The following GRID2 variants were observed in gnomAD, a reference collection of about 807,000 sequenced individuals.
The protein encoded by GRID2 is glutamate receptor ionotropic, delta-2.
GRID2 carries 33 observed loss-of-function variants against 114.8 expected under a neutral mutation model. The ratio of observed to expected loss-of-function variants is 0.29; its 90% CI spans 0.22 to 0.38. The LOEUF is 0.38. GRID2 is among the 10% of genes least tolerant of loss of function. The probability of loss-of-function intolerance (pLI) is 1.00; values close to 1 mark genes in which losing one functional copy is unlikely to be tolerated. For missense variants in GRID2, 1,184 were observed against 1,257.7 expected (o/e 0.94, Z 0.89); for synonymous variants, 505 against 449.9 (o/e 1.12, Z -1.55).
chr4:92,943,894 C>G (rs568589536), intron 2 of GRID2, among the ~76,000 whole-genome samples: 1 of 152,318 alleles, frequency 6.6e-6, no homozygotes, highest in South Asian at 2.1e-4. Flanking sequence ...CAGAGCAGAA[C>G]AGCGGCTACT....
chr4:93,334,872 G>A (rs1004425659), intron 8 of GRID2, among the ~76,000 whole-genome samples: 18 of 151,902 alleles, frequency 1.2e-4, no homozygotes, highest in African/African-American at 3.6e-4. Context: ...CAGAGGTTGC[G>A]GTGAGCTGAG....
At chr4:93,277,247 A>G (rs1294046765) in intron 8 of GRID2, among the ~76,000 whole-genome samples, 1 of 152,000 alleles carries the variant, frequency 6.6e-6, no homozygotes, top group African/African-American at 2.4e-5. Context: ...TAACATGTCC[A>G]TTATTTTGCT....
At chr4:92,928,532 C>A (rs572734244) in intron 2 of GRID2, among the ~76,000 whole-genome samples, 1 of 151,524 alleles carries the variant, frequency 6.6e-6, no homozygotes, top group African/African-American at 2.4e-5. Flanking sequence ...CAATGTAGTT[C>A]TGCAGCATAA....
At chr4:93,704,963 A>G (rs946237730) in intron 14 of GRID2, among the ~76,000 whole-genome samples, 1 of 152,158 alleles carries the variant, frequency 6.6e-6, no homozygotes, top group African/African-American at 2.4e-5. Flanking sequence ...CTTTGAGTAT[A>G]TACCTAGGAG....
At chr4:92,807,608 A>G (rs1740480497) in intron 2 of GRID2, among the ~76,000 whole-genome samples, 1 of 152,058 alleles carries the variant, frequency 6.6e-6, no homozygotes, top group Admixed American at 6.6e-5. Context: ...GATGACCATG[A>G]CATGAGACAT....
At chr4:93,136,278 GTTTAA>G (rs1364160618) in intron 4 of GRID2, among the ~76,000 whole-genome samples, 3 of 130,540 alleles carry the variant, frequency 2.3e-5, no homozygotes, top group Non-Finnish European at 4.9e-5. Flanking sequence ...GTGTGTGTGT[GTTTAA>G]TTATCCTAAG....
At chr4:92,324,632 A>G (rs1231630917) in intron 1 of GRID2, among the ~76,000 whole-genome samples, 1 of 151,512 alleles carries the variant, frequency 6.6e-6, no homozygotes, top group Admixed American at 6.6e-5. Context: ...CTGACTTTGC[A>G]CAGCATCTTC....
At chr4:92,685,864 A>G (rs1221035028) in intron 2 of GRID2, among the ~76,000 whole-genome samples, 1 of 152,056 alleles carries the variant, frequency 6.6e-6, no homozygotes, top group African/African-American at 2.4e-5. Flanking sequence ...TCTATTTTCA[A>G]AACAGTCCAA....
At chr4:92,682,682 GCACACACACA>G (rs57217377) in intron 2 of GRID2, among the ~76,000 whole-genome samples, 1,461 of 142,798 alleles carry the variant, frequency 0.01, 42 homozygotes, top group East Asian at 0.094. Flanking sequence ...AAATCGCAGG[GCACACACACA>G]CACACACACA....
intron 8 of GRID2, among the ~76,000 whole-genome samples, chr4:93,395,205 A>G (rs551736753): frequency 4.1e-4 from 62 of 152,130 alleles, no homozygotes; most frequent in Admixed American, 3.7e-3. Context: ...TAAAAGCCAT[A>G]TAAGATCAAA....
At position 93,184,811 on chromosome 4, in the gene GRID2, G is replaced by A. The variant is rs553820591; in HGVS notation, c.736-22593G>A. On this transcript the variant is annotated intron_variant, in intron 4 of 15. Transcript: ENST00000282020. ...ACAGGAGAATCACTTGAACCCTAGAGGCAGAAGTTGTGGTCAGCCAAGATT... is the reference window on the plus strand; with the variant it reads ...ACAGGAGAATCACTTGAACCCTAGAAGCAGAAGTTGTGGTCAGCCAAGATT... 7.2e-5 allele frequency among the ~76,000 whole-genome samples: 11 copies of A among 152,232 alleles called. No homozygotes were observed. The East Asian group carries it at 2.1e-3, about 29-fold the overall frequency.
chr4:92,400,731 A>G (rs1730748957), intron 1 of GRID2, among the ~76,000 whole-genome samples: 1 of 152,058 alleles, frequency 6.6e-6, no homozygotes, highest in South Asian at 2.1e-4. Flanking sequence ...CCATTAACGC[A>G]TGAAGGTTCT....
At chr4:92,446,270 G>A (rs187422425) in intron 1 of GRID2, among the ~76,000 whole-genome samples, 2 of 152,224 alleles carry the variant, frequency 1.3e-5, no homozygotes, top group Non-Finnish European at 2.9e-5. Flanking sequence ...GATTTAAATT[G>A]TATGTTCTTA....
chr4:92,884,929 T>G, intron 2 of GRID2: 1 of 340,408 alleles, frequency 2.9e-6, no homozygotes, highest in Non-Finnish European at 6.0e-6. Context: ...TGACATTTGG[T>G]CTCCCCAAAA....
intron 2 of GRID2, among the ~76,000 whole-genome samples, chr4:92,895,404 T>TATATATATATATATATATAA (rs1280678337): frequency 6.8e-6 from 1 of 147,014 alleles, no homozygotes; most frequent in Non-Finnish European, 1.5e-5. Flanking sequence ...TATATATATA[T>TATATATATATATATATATAA]AAACTGAAAG....
At chr4:92,885,651 T>A (rs994236357) in intron 2 of GRID2, among the ~76,000 whole-genome samples, 8 of 152,344 alleles carry the variant, frequency 5.3e-5, no homozygotes, top group African/African-American at 1.9e-4. Context: ...GTTTGGGGAT[T>A]CTTTGTTGTA....
At chr4:93,102,302 T>A (rs1019821332) in intron 3 of GRID2, among the ~76,000 whole-genome samples, 1 of 152,202 alleles carries the variant, frequency 6.6e-6, no homozygotes, top group African/African-American at 2.4e-5. Context: ...CAGTCTTCAC[T>A]GTAATTTGTT....
At chr4:92,956,320 A>G (rs572088622) in intron 2 of GRID2, among the ~76,000 whole-genome samples, 40 of 152,252 alleles carry the variant, frequency 2.6e-4, no homozygotes, top group Non-Finnish European at 5.0e-4. Flanking sequence ...TTAATGACAT[A>G]TATGCACAAT....
intron 4 of GRID2, among the ~76,000 whole-genome samples, chr4:93,147,243 C>A (rs963671261): frequency 1.3e-5 from 2 of 151,838 alleles, no homozygotes; most frequent in Non-Finnish European, 2.9e-5. Flanking sequence ...CAGAGAGAAT[C>A]AAAAAACAAA....
Sources: gnomAD v4.1 joint callset for allele counts (sites outside exome capture counted in the v4.1 genomes callset) on GRCh38, gnomAD v4.1.1 for gene constraint, MANE v1.5 for transcripts, NCBI Gene and HGNC (gene_info 2026-07-23, HGNC 2026-07-21) for gene names.